GPATCH2: variants seen among roughly 807,000 people sequenced by gnomAD.
The protein encoded by GPATCH2 is G patch domain-containing protein 2.
GPATCH2 carries 51 observed loss-of-function variants against 58.0 expected under a neutral mutation model. The ratio of observed to expected loss-of-function variants is 0.88; its 90% confidence interval spans 0.70 to 1.11. GPATCH2 has a LOEUF of 1.11. Among genes scored for constraint, GPATCH2 ranks in the 50% most tolerant of loss-of-function variants. The pLI, the probability that GPATCH2 is intolerant of heterozygous loss-of-function variation, is 0.00. For missense variants in GPATCH2, 625 were observed against 652.2 expected (o/e 0.96, Z 0.45); for synonymous variants, 222 against 218.5 (o/e 1.02, Z -0.14).
intron 5 of GPATCH2, among the ~76,000 whole-genome samples, chr1:217,516,113 TATC>T (rs1038540593): frequency 7.2e-5 from 11 of 152,030 alleles, no homozygotes; most frequent in South Asian, 2.1e-4. Flanking sequence ...ACAACTTTCT[TATC>T]ATATAGATGG....
At chr1:217,493,919 G>T (rs575791590) in intron 7 of GPATCH2, among the ~76,000 whole-genome samples, 40 of 151,788 alleles carry the variant, frequency 2.6e-4, no homozygotes, top group Admixed American at 1.0e-3. Context: ...TGTTACAACA[G>T]TTCAAACAAA....
chr1:217,539,233 T>C (rs1240928206), intron 5 of GPATCH2, among the ~76,000 whole-genome samples: 2 of 152,122 alleles, frequency 1.3e-5, no homozygotes, highest in African/African-American at 2.4e-5. Flanking sequence ...AAGCATCTCA[T>C]ACTGTTCCAA....
At chr1:217,567,184 T>C (rs1256200261) in intron 5 of GPATCH2, among the ~76,000 whole-genome samples, 1 of 151,982 alleles carries the variant, frequency 6.6e-6, no homozygotes, top group African/African-American at 2.4e-5. Context: ...GTAGCTGGGA[T>C]TACAGGCATG....
intron 5 of GPATCH2, among the ~76,000 whole-genome samples, chr1:217,533,634 C>T (rs1397281461): frequency 6.6e-6 from 1 of 152,112 alleles, no homozygotes; most frequent in Non-Finnish European, 1.5e-5. Context: ...CAGTGTCTGG[C>T]ACATGGCAAA....
Position 217,538,675 on chromosome 1 carries a change from A to G in GPATCH2, c.1099-23786T>C, listed in dbSNP as rs908367224. On this transcript the variant is annotated intron_variant, in intron 5 of 9. Transcript: ENST00000366935. The stretch of plus-strand genomic sequence containing the variant: ...GACTGTGGCTTGGGTTGGAAGGTTA[A>G]TCACCATGAAGAGCAGAAGAGCTGA... 2.6e-5 allele frequency among the ~76,000 whole-genome samples: 4 copies of G among 152,176 alleles called. No homozygotes were observed. The East Asian group carries it at 7.7e-4, about 29-fold the overall frequency.
chr1:217,444,996 CAAG>C (rs1317261921), intron 9 of GPATCH2, among the ~76,000 whole-genome samples: 1 of 151,882 alleles, frequency 6.6e-6, no homozygotes, highest in African/African-American at 2.4e-5. Context: ...CTTAAATATT[CAAG>C]AAGATTATTT....
chr1:217,438,051 C>T (rs1255764380), intron 9 of GPATCH2, among the ~76,000 whole-genome samples: 1 of 152,214 alleles, frequency 6.6e-6, no homozygotes, highest in Non-Finnish European at 1.5e-5. Context: ...AGGCAGTAAT[C>T]TTTGCTGTTC....
chr1:217,591,716 G>C (rs1244010166), intron 5 of GPATCH2, among the ~76,000 whole-genome samples: 1 of 151,988 alleles, frequency 6.6e-6, no homozygotes, highest in Non-Finnish European at 1.5e-5. Context: ...CATGAACTCT[G>C]TATTAACCAA....
intron 5 of GPATCH2, among the ~76,000 whole-genome samples, chr1:217,522,173 G>A (rs530541306): frequency 2.0e-5 from 3 of 152,118 alleles, no homozygotes; most frequent in East Asian, 3.9e-4. Flanking sequence ...AAGCCATTCT[G>A]CATTGATAAT....
intron 8 of GPATCH2, among the ~76,000 whole-genome samples, chr1:217,457,442 T>C (rs776132979): frequency 6.6e-6 from 1 of 152,234 alleles, no homozygotes; most frequent in Non-Finnish European, 1.5e-5. Flanking sequence ...TTTTAGCACG[T>C]ATATATTCAA....
At chr1:217,625,740 T>C (rs905083160) in intron 1 of GPATCH2, among the ~76,000 whole-genome samples, 1 of 152,142 alleles carries the variant, frequency 6.6e-6, no homozygotes, top group African/African-American at 2.4e-5. Flanking sequence ...CCCAGCATTC[T>C]GGGAGGTCGA....
At chr1:217,540,083 A>C (rs1380359808) in intron 5 of GPATCH2, among the ~76,000 whole-genome samples, 1 of 152,178 alleles carries the variant, frequency 6.6e-6, no homozygotes, top group East Asian at 1.9e-4. Context: ...TTTTACACTA[A>C]AATGTTTTGG....
chr1:217,503,248 G>A (rs1421269452), intron 6 of GPATCH2, among the ~76,000 whole-genome samples: 1 of 151,966 alleles, frequency 6.6e-6, no homozygotes, highest in Non-Finnish European at 1.5e-5. Context: ...CAACTGGAGG[G>A]GCCACTGGTG....
intron 5 of GPATCH2, among the ~76,000 whole-genome samples, chr1:217,586,365 CT>C (rs34196545): frequency 0.18 from 26,891 of 149,082 alleles, 2,760 homozygotes; most frequent in East Asian, 0.24. Context: ...TATTTTATAC[CT>C]TTTTTTTTTA....
chr1:217,429,268 G>T lies in GPATCH2; in HGVS notation c.*1877C>A, dbSNP rs1475797670. On this transcript the variant is annotated 3_prime_UTR_variant, in exon 10 of 10. Coordinates refer to ENST00000366935, the MANE Select transcript of GPATCH2 (RefSeq NM_018040.5). ...TTTGTAAGTAAAAAACTTGTAGAAAGTAATGATACCATGGGGTTACTTTAT... is the reference window on the plus strand; with the variant it reads ...TTTGTAAGTAAAAAACTTGTAGAAATTAATGATACCATGGGGTTACTTTAT... 2 of 152,106 alleles carry T rather than the reference G, an allele frequency of 1.3e-5. No homozygotes were observed. Among genetic ancestry groups the T allele is most frequent in the Admixed American group, 1.3e-4 (2 of 15,282 alleles). 9.4% of individuals were successfully genotyped at this position (152,106 alleles called of 1,614,324 possible).
intron 5 of GPATCH2, among the ~76,000 whole-genome samples, chr1:217,593,925 A>T (rs146020863): frequency 0.018 from 2,788 of 152,204 alleles, 42 homozygotes; most frequent in Middle Eastern, 0.09. Flanking sequence ...TAAAGATTAA[A>T]ACAGGATATT....
chr1:217,617,449 T>C (rs7544893), intron 2 of GPATCH2, among the ~76,000 whole-genome samples: 4,688 of 152,288 alleles, frequency 0.031, 221 homozygotes, highest in African/African-American at 0.11. Context: ...TATGCAGCTG[T>C]TGAGAACAGA....
At chr1:217,450,983 GA>G (rs1659639208) in intron 8 of GPATCH2, among the ~76,000 whole-genome samples, 1 of 152,104 alleles carries the variant, frequency 6.6e-6, no homozygotes, top group South Asian at 2.1e-4. Flanking sequence ...CAGTGGTGGT[GA>G]AAATGGGGAG....
intron 1 of GPATCH2, among the ~76,000 whole-genome samples, chr1:217,623,514 T>C (rs1024241295): frequency 1.3e-5 from 2 of 151,960 alleles, no homozygotes; most frequent in Admixed American, 6.6e-5. Context: ...TTCTTAGTAA[T>C]ATTAGCAGTT....
Sources: gnomAD v4.1 joint callset for allele counts (sites outside exome capture counted in the v4.1 genomes callset) on GRCh38, gnomAD v4.1.1 for gene constraint, MANE v1.5 for transcripts, NCBI Gene and HGNC (gene_info 2026-07-23, HGNC 2026-07-21) for gene names.